RDH12: variants seen among roughly 807,000 people sequenced by gnomAD.
RDH12 encodes all-trans and 9-cis retinol dehydrogenase.
RDH12 carries 21 observed loss-of-function variants against 34.0 expected under a neutral mutation model. The observed-to-expected ratio is 0.62, with a 90% CI of 0.44 to 0.89. The LOEUF (loss-of-function observed/expected upper bound fraction) is 0.89, where lower values mean the gene tolerates loss of function less well. RDH12 is among the 40% of genes least tolerant of loss of function. The pLI is 0.00. For synonymous variants in RDH12, 198 were observed against 169.9 expected, an observed-to-expected ratio of 1.17 and a Z score of -1.29; for missense variants, 394 against 398.6, an observed-to-expected ratio of 0.99 and a Z score of 0.10.
At chr14:67,731,439 T>A (rs1044580201) in intron 8 of RDH12, among the ~76,000 whole-genome samples, 1 of 151,914 alleles carries the variant, frequency 6.6e-6, no homozygotes, top group African/African-American at 2.4e-5. Flanking sequence ...GGTCTTGAAC[T>A]CCTGACCTCA....
In RDH12 at chr14:67,724,162, G is replaced by A. The variant is rs12882561; in HGVS notation, c.69-311G>A. 0.12 allele frequency among the ~76,000 whole-genome samples: 18,427 copies of A among 152,278 alleles called. 1,428 individuals are homozygous for A. The highest frequency in any genetic ancestry group is 0.34 in the South Asian group (1,630 of 4,830). On this transcript the variant is annotated intron_variant, in intron 3 of 8. Coordinates refer to ENST00000551171, the MANE Select transcript of RDH12 (RefSeq NM_152443.3). ...TTTCCTCTGGAACCTCTAGAGATAA[G>A]AGCTAGATGTATTTATTATCTAACA... is the stretch of plus-strand genomic sequence containing the variant.
Position 67,731,230 on chromosome 14 carries a change from T to C in RDH12, c.848+1850T>C, listed in dbSNP as rs1258101169. Among the ~76,000 whole-genome samples, 204 of 138,822 alleles carry C rather than the reference T, an allele frequency of 1.5e-3. 2 individuals carry two copies. The highest frequency in any genetic ancestry group is 2.5e-3 in the Non-Finnish European group (158 of 63,658). The allele number at this position is 138,822 out of a possible 152,430, so 91.1% of individuals were successfully genotyped here. On this transcript the variant is annotated intron_variant, in intron 8 of 8. Coordinates refer to ENST00000551171, the MANE Select transcript of RDH12 (RefSeq NM_152443.3). Reference sequence around the variant, plus strand: ...TTCTTTTTTTTTTTTTTTTTTTTTTTTGGAGACATAGTCTCACTCTGTTGC... The same window carrying C: ...TTCTTTTTTTTTTTTTTTTTTTTTTCTGGAGACATAGTCTCACTCTGTTGC...
chr14:67,725,009 T>C (rs1286500292), intron 4 of RDH12, 90 bp from the exon 5 acceptor site: 2 of 1,402,764 alleles, frequency 1.4e-6, no homozygotes, highest in East Asian at 2.3e-5. Context: ...GGAGAATGAA[T>C]GCTCTGTCCC....
At chr14:67,728,703 T>TTGGGG (rs146484340) in intron 7 of RDH12, among the ~76,000 whole-genome samples, 21 of 142,156 alleles carry the variant, frequency 1.5e-4, no homozygotes, top group African/African-American at 5.3e-4. Context: ...GGATATCTTG[T>TTGGGG]GGGGGGGGGG....
intron 1 of RDH12, among the ~76,000 whole-genome samples, chr14:67,716,215 A>G (rs1295343784): frequency 6.6e-6 from 1 of 151,924 alleles, no homozygotes; most frequent in Non-Finnish European, 1.5e-5. Flanking sequence ...AAAAAAGAAA[A>G]GAAAAAAGAA....
intron 1 of RDH12, among the ~76,000 whole-genome samples, chr14:67,707,818 GCTC>G (rs1488628902): frequency 1.3e-5 from 2 of 152,144 alleles, no homozygotes; most frequent in Non-Finnish European, 2.9e-5. Flanking sequence ...TAAACTTGGG[GCTC>G]CTGGGCCTGT....
At chr14:67,723,865 A>T (rs2038153523) in intron 3 of RDH12, among the ~76,000 whole-genome samples, 1 of 152,248 alleles carries the variant, frequency 6.6e-6, no homozygotes, top group Non-Finnish European at 1.5e-5. Context: ...AGGTCTGAAC[A>T]AAGGAGGTTT....
At chr14:67,731,618 TTAATA>T (rs950850915) in intron 8 of RDH12, among the ~76,000 whole-genome samples, 9 of 151,986 alleles carry the variant, frequency 5.9e-5, no homozygotes, top group African/African-American at 2.2e-4. Context: ...ATATCATATT[TTAATA>T]TAATATGTAA....
rs555650347 is a variant in RDH12 at position 67,705,960 on chromosome 14, T to C, written c.-275+4025T>C. On this transcript the variant is annotated intron_variant, in intron 1 of 8. Coordinates refer to ENST00000551171, the MANE Select transcript of RDH12 (RefSeq NM_152443.3). ...GCAGTTAATTAGTAAAGATATCAGG[T>C]GCAGTGGCATGTGCCTATAGTTCCA... is the stretch of plus-strand genomic sequence containing the variant. The C allele has an allele frequency of 6.6e-5, 10 of 152,334 alleles. No homozygotes were observed. The South Asian group carries it at 1.9e-3, about 28-fold the overall frequency. 9.4% of individuals were successfully genotyped at this position (152,334 alleles called of 1,614,324 possible). A position where few individuals can be genotyped will look rare whatever the true frequency, so the allele number is the denominator to read the frequency against.
At position 67,725,226 on chromosome 14, in the gene RDH12, C is replaced by T; in HGVS notation, c.315C>T (p.Ile105=). 1 of 1,613,700 alleles carries T rather than the reference C, an allele frequency of 6.2e-7. No individual in the cohort carries two copies. Among genetic ancestry groups the T allele is most frequent in the Non-Finnish European group, 8.5e-7 (1 of 1,180,022 alleles). ...RKLDLSDTKS[I]RAFAEGFLAE... ...TGGACCTATCCGACACCAAATCTAT[C>T]CGAGCCTTTGCTGAGGGCTTTCTGG... is the stretch of plus-strand genomic sequence containing the variant. Residue 105 remains isoleucine (I), a synonymous_variant, in exon 5 of 9, where the codon ATC becomes ATT. Transcript: ENST00000551171.
chr14:67,705,770 G>T (rs558223591), intron 1 of RDH12, among the ~76,000 whole-genome samples: 12 of 152,234 alleles, frequency 7.9e-5, no homozygotes, highest in African/African-American at 2.6e-4. Context: ...TTCAAAATAA[G>T]ATGTTTTAAA....
chr14:67,717,434 G>A (rs1448293545), intron 1 of RDH12, among the ~76,000 whole-genome samples: 1 of 152,248 alleles, frequency 6.6e-6, no homozygotes, highest in Non-Finnish European at 1.5e-5. Flanking sequence ...TAGGCCCTGA[G>A]AGGATATTAA....
intron 1 of RDH12, among the ~76,000 whole-genome samples, chr14:67,702,756 A>G (rs2037912711): frequency 6.6e-6 from 1 of 152,216 alleles, no homozygotes; most frequent in South Asian, 2.1e-4. Flanking sequence ...TTACATGTAT[A>G]TATGTAAACA....
intron 1 of RDH12, among the ~76,000 whole-genome samples, chr14:67,708,890 T>G (rs923897311): frequency 6.6e-6 from 1 of 151,846 alleles, no homozygotes; most frequent in African/African-American, 2.4e-5. Flanking sequence ...CCCCTCAGGT[T>G]CAAGTGATTC....
Position 67,725,232 on chromosome 14 carries a change from C to G in RDH12, c.321C>G (p.Ala107=). 2 of 1,613,588 alleles carry G rather than the reference C, an allele frequency of 1.2e-6. No homozygotes were observed. The highest frequency in any genetic ancestry group is 1.7e-6 in the Non-Finnish European group (2 of 1,180,032). Residue 107 remains alanine (A), a synonymous_variant, in exon 5 of 9, where the codon GCC becomes GCG. Transcript: ENST00000551171. ...TATCCGACACCAAATCTATCCGAGC[C>G]TTTGCTGAGGGCTTTCTGGCAGGTG... ...LDLSDTKSIR[A]FAEGFLAEEK...
At position 67,727,173 on chromosome 14, in the gene RDH12, T is replaced by C. The variant is rs998898101; in HGVS notation, c.641T>C (p.Leu214Pro). The part of the protein sequence containing the change: ...KLANVLFTRE[L>P]AKRLQGTGVT... ...GCCAATGTGCTTTTTACTCGTGAGC[T>C]GGCCAAGAGGCTCCAAGGTAAGTCT... is the stretch of plus-strand genomic sequence containing the variant. The change falls in exon 7 of 9, where the codon CTG becomes CCG. Residue 214 changes from leucine (L) to proline (P), a missense_variant. Coordinates refer to ENST00000551171, the MANE Select transcript of RDH12 (RefSeq NM_152443.3). 2 of 1,613,392 alleles carry C rather than the reference T, an allele frequency of 1.2e-6. No individual in the cohort carries two copies. Among genetic ancestry groups the C allele is most frequent in the Non-Finnish European group, 1.7e-6 (2 of 1,179,750 alleles).
intron 7 of RDH12, chr14:67,728,315 T>C (rs2038216267): frequency 6.6e-6 from 1 of 152,260 alleles, no homozygotes; most frequent in East Asian, 1.9e-4. Flanking sequence ...ACATCTTAAC[T>C]CATTTAATAC....
intron 1 of RDH12, among the ~76,000 whole-genome samples, chr14:67,712,155 C>T (rs1189128472): frequency 2.6e-5 from 4 of 151,778 alleles, no homozygotes; most frequent in East Asian, 1.9e-4. Context: ...CCTGACCTCA[C>T]GTGATCCACA....
chr14:67,702,094 G>C (rs1410981905), intron 1 of RDH12, among the ~76,000 whole-genome samples, 159 bp downstream of exon 1: 1 of 152,052 alleles, frequency 6.6e-6, no homozygotes, highest in Admixed American at 6.5e-5. Context: ...TAGGATAACA[G>C]TCATGAACCA....
Sources: allele counts gnomAD v4.1 joint callset (sites outside exome capture counted in the v4.1 genomes callset), GRCh38; gene constraint gnomAD v4.1.1; transcripts MANE v1.5; gene names NCBI Gene and HGNC (gene_info 2026-07-23, HGNC 2026-07-21).